Variants in MAG observed in about 807,000 individuals in gnomAD.
MAG encodes the protein myelin associated glycoprotein, also known as myelin-associated glycoprotein.
Under a neutral mutation model 60.7 loss-of-function variants are expected in MAG, and 30 were observed. The ratio of observed to expected loss-of-function variants is 0.49; its 90% CI spans 0.37 to 0.67. The LOEUF is 0.67. Among genes scored for constraint, MAG ranks in the 30% least tolerant of loss-of-function variants. The probability of loss-of-function intolerance (pLI) is 0.00; values close to 1 mark genes in which losing one functional copy is unlikely to be tolerated. For missense variants in MAG, 795 were observed against 851.7 expected, an observed-to-expected ratio of 0.93 and a Z score of 0.83; for synonymous variants, 384 against 376.8, an observed-to-expected ratio of 1.02 and a Z score of -0.22.
At position 35,293,070 on chromosome 19, in the gene MAG, T is replaced by C. The variant is rs1011372659; in HGVS notation, c.-80+866T>C. ...AACTTGTTTTCCCCGCTGTTAAGAGTGCATGGTCTACCTGCTTGTTTCATG... is the reference window on the plus strand; with the variant it reads ...AACTTGTTTTCCCCGCTGTTAAGAGCGCATGGTCTACCTGCTTGTTTCATG... On this transcript the variant is annotated intron_variant, in intron 1 of 10. Coordinates refer to ENST00000392213, the MANE Select transcript of MAG (RefSeq NM_002361.4). The surrounding 1 kb of genome is among the most constrained non-coding windows in gnomAD (Gnocchi z 4.0). 1.3e-5 allele frequency among the ~76,000 whole-genome samples: 2 copies of C among 152,076 alleles called. No individual in the cohort carries two copies. The highest frequency in any genetic ancestry group is 2.9e-5 in the Non-Finnish European group (2 of 68,020).
At chr19:35,307,778 G>A (rs1475359593) in intron 7 of MAG, among the ~76,000 whole-genome samples, 1 of 152,204 alleles carries the variant, frequency 6.6e-6, no homozygotes, top group Non-Finnish European at 1.5e-5. Context: ...TAATCCAGTG[G>A]CAGCAAAGCA....
In MAG at chr19:35,295,751, A is replaced by C; in HGVS notation, c.185A>C (p.Asn62Thr). ...PAVVHGVWYF[N>T]SPYPKNYPPV... Reference sequence around the variant, plus strand: ...GTGGTGCATGGTGTCTGGTACTTCAATAGCCCCTACCCCAAGAACTACCCC... The same window carrying C: ...GTGGTGCATGGTGTCTGGTACTTCACTAGCCCCTACCCCAAGAACTACCCC... Residue 62 changes from asparagine to threonine, a missense_variant, in exon 4 of 11, where the codon AAT (asparagine) becomes ACT (threonine). By Grantham distance (65) the Asn-to-Thr change is moderately conservative (BLOSUM62 0). Coordinates refer to ENST00000392213, the MANE Select transcript of MAG (RefSeq NM_002361.4). This position sits in a 1 kb window ranked among gnomAD's most constrained non-coding sequence, Gnocchi z 5.8. 7.4e-6 allele frequency: 12 copies of C among 1,613,900 alleles called. No homozygotes were observed. The highest frequency in any genetic ancestry group is 1.0e-5 in the Non-Finnish European group (12 of 1,179,998).
chr19:35,302,591 G>T lies in MAG; in HGVS notation c.1114G>T (p.Glu372Ter), dbSNP rs768876800. 1.2e-6 allele frequency: 2 copies of T among 1,614,168 alleles called. No individual in the cohort carries two copies. Among genetic ancestry groups the T allele is most frequent in the Non-Finnish European group, 1.7e-6 (2 of 1,180,044 alleles). The change falls in exon 7 of 11, where the codon GAG becomes TAG. Residue 372 changes from glutamate to a stop codon, truncating the protein, a stop_gained. Transcript: ENST00000392213. LOFTEE classifies it high-confidence loss of function. Reference sequence around the variant, plus strand: ...GCAGATCCTGTCCACGGTCATCTACGAGAGCGAGCTGCAGCTGGAGCTGCC... The same window carrying T: ...GCAGATCCTGTCCACGGTCATCTACTAGAGCGAGCTGCAGCTGGAGCTGCC... ...EKQILSTVIY[E>*]SELQLELPAV...
chr19:35,299,283 A>T (rs527982892), intron 4 of MAG, among the ~76,000 whole-genome samples: 1 of 152,240 alleles, frequency 6.6e-6, no homozygotes, highest in East Asian at 1.9e-4. Context: ...TGCGGGAGGG[A>T]CTGGCAAGTT....
At chr19:35,307,292 G>A (rs940858845) in intron 7 of MAG, among the ~76,000 whole-genome samples, 9 of 152,264 alleles carry the variant, frequency 5.9e-5, no homozygotes, top group African/African-American at 1.7e-4. Context: ...CCGTGTGCCC[G>A]TGTGACTCCC....
chr19:35,307,257 A>G (rs2066492628), intron 7 of MAG, among the ~76,000 whole-genome samples: 1 of 152,268 alleles, frequency 6.6e-6, no homozygotes, highest in Non-Finnish European at 1.5e-5. Context: ...ATGTTTGCAC[A>G]GAGGTTCCCA....
intron 1 of MAG, 50 bp from the exon 2 acceptor site, chr19:35,294,185 G>A: frequency 2.6e-6 from 1 of 389,824 alleles, no homozygotes; most frequent in Non-Finnish European, 5.1e-6. Context: ...GGGTGGGTTG[G>A]GTGCCTCAAT....
intron 7 of MAG, among the ~76,000 whole-genome samples, chr19:35,302,943 GTA>G (rs1165932924): frequency 7.8e-6 from 1 of 128,844 alleles, no homozygotes; most frequent in African/African-American, 3.0e-5. Flanking sequence ...TTGAGACAGA[GTA>G]TTGAGTCTTG....
chr19:35,307,045 T>G (rs2066490840), intron 7 of MAG, among the ~76,000 whole-genome samples: 1 of 152,352 alleles, frequency 6.6e-6, no homozygotes, highest in East Asian at 1.9e-4. Context: ...GGTGTCGGCG[T>G]TCCGCCGACA....
chr19:35,295,698 T>C lies in MAG; in HGVS notation c.132T>C (p.Phe44=). Residue 44 remains phenylalanine, a synonymous_variant, in exon 4 of 11, where the codon TTT becomes TTC. Coordinates refer to ENST00000392213, the MANE Select transcript of MAG (RefSeq NM_002361.4). This position sits in a 1 kb window ranked among gnomAD's most constrained non-coding sequence, Gnocchi z 5.8. ...CGTGCGTCTCCATCCCCTGCCGCTT[T>C]GACTTCCCGGATGAGCTGCGGCCCG... ...EGTCVSIPCR[F]DFPDELRPAV... is the part of the protein sequence containing the mutation. 2.5e-6 allele frequency: 4 copies of C among 1,613,562 alleles called. No individual in the cohort carries two copies. Among genetic ancestry groups the C allele is most frequent in the Non-Finnish European group, 3.4e-6 (4 of 1,180,010 alleles).
intron 7 of MAG, among the ~76,000 whole-genome samples, chr19:35,305,060 G>A (rs1406132429): frequency 1.3e-5 from 2 of 152,088 alleles, no homozygotes; most frequent in Admixed American, 6.6e-5. Flanking sequence ...GACTCAATCC[G>A]GCTTCTCTTG....
chr19:35,310,602 C>G lies in MAG; in HGVS notation c.1575C>G (p.Ile525Met), dbSNP rs1568476847. 2 of 1,614,106 alleles carry G rather than the reference C, an allele frequency of 1.2e-6. No homozygotes were observed. Among genetic ancestry groups the G allele is most frequent in the Non-Finnish European group, 1.7e-6 (2 of 1,180,026 alleles). Residue 525 changes from isoleucine to methionine, a missense_variant, in exon 9 of 11, where the codon ATC becomes ATG. Transcript: ENST00000392213. The part of the protein sequence containing the change: ...GPVGAVVAFA[I>M]LIAIVCYITQ... The stretch of plus-strand genomic sequence containing the variant: ...TGGGCGCCGTGGTCGCCTTTGCCAT[C>G]CTGATTGCCATCGTCTGCTACATTA...
intron 7 of MAG, among the ~76,000 whole-genome samples, chr19:35,303,987 T>C (rs189274681): frequency 2.0e-5 from 3 of 152,240 alleles, no homozygotes; most frequent in Admixed American, 2.0e-4. Context: ...ATGCCCACAA[T>C]GGCCCCCACC....
rs79242865 is a variant in MAG at position 35,293,352 on chromosome 19, T to C, written c.-79-883T>C. On this transcript the variant is annotated intron_variant, in intron 1 of 10. Transcript: ENST00000392213. This position sits in a 1 kb window ranked among gnomAD's most constrained non-coding sequence, Gnocchi z 4.0. The stretch of plus-strand genomic sequence containing the variant: ...GTGTGTGTGGACAGCAGCAGAGGCA[T>C]TGCATGCACGCCTTGGGAACTATGT... Among the ~76,000 whole-genome samples the C allele has an allele frequency of 9.2e-4, 139 of 151,816 alleles. 1 individual carries two copies. In the East Asian group the frequency reaches 0.027, roughly 29 times the overall value.
At chr19:35,309,125 C>G (rs1016715027) in intron 7 of MAG, among the ~76,000 whole-genome samples, 7 of 152,124 alleles carry the variant, frequency 4.6e-5, no homozygotes, top group South Asian at 2.1e-4. Context: ...AGAAACGGCC[C>G]GTCCCTGTGA....
intron 7 of MAG, among the ~76,000 whole-genome samples, chr19:35,308,565 C>T (rs1314422562): frequency 6.6e-6 from 1 of 152,014 alleles, no homozygotes; most frequent in African/African-American, 2.4e-5. Context: ...GACCCTGTCT[C>T]TACAAAAACA....
rs1284940028 is a variant in MAG at position 35,295,017 on chromosome 19, A to C, written c.-23-369A>C. On this transcript the variant is annotated intron_variant, in intron 2 of 10. Coordinates refer to ENST00000392213, the MANE Select transcript of MAG (RefSeq NM_002361.4). This position sits in a 1 kb window ranked among gnomAD's most constrained non-coding sequence, Gnocchi z 5.8. ...ACACCTGTAATCCTTTGGGAAGCCA[A>C]GGCAGGAATATTGCTGGAGGCCAGG... Among the ~76,000 whole-genome samples, 1 of 152,200 alleles carries C rather than the reference A, an allele frequency of 6.6e-6. No homozygotes were observed. The highest frequency in any genetic ancestry group is 2.4e-5 in the African/African-American group (1 of 41,440).
At position 35,295,773 on chromosome 19, in the gene MAG, C is replaced by A. The variant is rs750754995; in HGVS notation, c.207C>A (p.Tyr69Ter). The A allele has an allele frequency of 5.6e-6, 9 of 1,613,764 alleles. No homozygotes were observed. The highest frequency in any genetic ancestry group is 6.8e-6 in the Non-Finnish European group (8 of 1,179,946). The change falls in exon 4 of 11, where the codon TAC becomes TAA. Residue 69 changes from tyrosine (Y) to a stop codon, truncating the protein, a stop_gained. Transcript: ENST00000392213. LOFTEE classifies it high-confidence loss of function. The surrounding 1 kb of genome is among the most constrained non-coding windows in gnomAD (Gnocchi z 5.8). ...WYFNSPYPKN[Y>*]PPVVFKSRTQ... ...TCAATAGCCCCTACCCCAAGAACTA[C>A]CCCCCGGTGGTCTTCAAGTCGCGCA...
chr19:35,294,482 G>A (rs750615022), intron 2 of MAG, among the ~76,000 whole-genome samples, 192 bp downstream of exon 2: 8 of 152,220 alleles, frequency 5.3e-5, no homozygotes, highest in East Asian at 1.9e-4. Context: ...GGCCTTGGGC[G>A]AGTCACTTAA....
Sources: allele counts gnomAD v4.1 joint callset (sites outside exome capture counted in the v4.1 genomes callset), GRCh38; gene constraint gnomAD v4.1.1; non-coding constraint Gnocchi (gnomAD v3.1); transcripts MANE v1.5; gene names NCBI Gene and HGNC (gene_info 2026-07-23, HGNC 2026-07-21).